SMAD3: variants seen among roughly 807,000 people sequenced by gnomAD.
The protein encoded by SMAD3 is MAD homolog 3.
SMAD3 carries 12 observed loss-of-function variants against 51.8 expected under a neutral mutation model. That is an observed-to-expected ratio of 0.23 (90% CI 0.15 to 0.38). The LOEUF is 0.38. Among genes scored for constraint, SMAD3 ranks in the 10% least tolerant of loss-of-function variants. SMAD3 has a pLI of 1.00. For missense variants in SMAD3, 294 were observed against 565.6 expected, an observed-to-expected ratio of 0.52 and a Z score of 4.87; for synonymous variants, 238 against 227.7, an observed-to-expected ratio of 1.05 and a Z score of -0.41.
At chr15:67,163,536 C>G (rs951105897) in intron 1 of SMAD3, among the ~76,000 whole-genome samples, 1 of 152,224 alleles carries the variant, frequency 6.6e-6, no homozygotes, top group Non-Finnish European at 1.5e-5. Context: ...CCAAGCTCCC[C>G]AGTCCTTTCC....
intron 1 of SMAD3, among the ~76,000 whole-genome samples, chr15:67,137,584 GTTTTA>G (rs1961698289): frequency 6.6e-6 from 1 of 152,108 alleles, no homozygotes; most frequent in African/African-American, 2.4e-5. Flanking sequence ...GTTGCTTTCA[GTTTTA>G]TTTTGTGTTG....
At chr15:67,106,218 C>T (rs1960874613) in intron 1 of SMAD3, among the ~76,000 whole-genome samples, 1 of 152,190 alleles carries the variant, frequency 6.6e-6, no homozygotes, top group African/African-American at 2.4e-5. Flanking sequence ...AAATGTACAT[C>T]TGTCATCTGT....
chr15:67,121,257 C>G (rs1291358860), intron 1 of SMAD3, among the ~76,000 whole-genome samples: 1 of 152,226 alleles, frequency 6.6e-6, no homozygotes, highest in Admixed American at 6.5e-5. Context: ...CCAGTGTTCT[C>G]TTCTCCTCGT....
At chr15:67,086,894 CTTTT>C (rs35917837) in intron 1 of SMAD3, among the ~76,000 whole-genome samples, 1 of 138,444 alleles carries the variant, frequency 7.2e-6, no homozygotes, top group Non-Finnish European at 1.5e-5. Flanking sequence ...ATATCTTCTC[CTTTT>C]TTTTTTTTTT....
chr15:67,181,092 A>T, intron 5 of SMAD3, 149 bp from the exon 6 acceptor site: 1 of 690,956 alleles, frequency 1.4e-6, no homozygotes, highest in Non-Finnish European at 2.6e-6. Flanking sequence ...GGCTCTTGCC[A>T]GTTTTATACG....
intron 1 of SMAD3, among the ~76,000 whole-genome samples, chr15:67,101,512 C>G (rs542309088): frequency 4.3e-4 from 65 of 152,268 alleles, no homozygotes; most frequent in African/African-American, 1.5e-3. Context: ...CTCTTGTATC[C>G]TGTCCTGGTC....
At chr15:67,134,264 G>A (rs34783441) in intron 1 of SMAD3, among the ~76,000 whole-genome samples, 52,752 of 151,886 alleles carry the variant, frequency 0.35, 10,003 homozygotes, top group Non-Finnish European at 0.45. Flanking sequence ...AATGAAATTG[G>A]CCTGGGGTTA....
chr15:67,149,769 G>T (rs896791913), intron 1 of SMAD3, among the ~76,000 whole-genome samples: 1 of 152,114 alleles, frequency 6.6e-6, no homozygotes, highest in African/African-American at 2.4e-5. Context: ...CCCATTCTTT[G>T]TTACCATTTG....
Position 67,191,829 on chromosome 15 carries a change from C to G in SMAD3, c.*1293C>G, listed in dbSNP as rs890460961. 3.9e-5 allele frequency: 9 copies of G among 230,148 alleles called. No homozygotes were observed. In the Admixed American group the frequency reaches 4.5e-4, roughly 12 times the overall value. 14.3% of individuals were successfully genotyped at this position (230,148 alleles called of 1,614,324 possible). On this transcript the variant is annotated 3_prime_UTR_variant, in exon 9 of 9. Transcript: ENST00000327367. ...TCTTCCCCCTGGGATATAAGATGAT[C>G]TAGCTCCCGGTAGAGGATCACCGGT...
At chr15:67,114,028 C>T (rs1461642081) in intron 1 of SMAD3, among the ~76,000 whole-genome samples, 3 of 152,172 alleles carry the variant, frequency 2.0e-5, no homozygotes, top group African/African-American at 7.2e-5. Flanking sequence ...GGGCTGCCCT[C>T]CTGGATGCAT....
At chr15:67,137,932 G>T in intron 1 of SMAD3, 1 of 824,058 alleles carries the variant, frequency 1.2e-6, no homozygotes, top group Admixed American at 2.0e-5. Flanking sequence ...AGAGAAAATA[G>T]GAGGTACTAG....
chr15:67,102,778 G>T (rs1354534137), intron 1 of SMAD3, among the ~76,000 whole-genome samples: 1 of 151,994 alleles, frequency 6.6e-6, no homozygotes, highest in Admixed American at 6.5e-5. Flanking sequence ...CCTTAGCTTG[G>T]TATTTAAAGT....
intron 5 of SMAD3, among the ~76,000 whole-genome samples, chr15:67,181,008 A>AT (rs397960696): frequency 3.4e-4 from 52 of 152,134 alleles, no homozygotes; most frequent in South Asian, 1.5e-3. Flanking sequence ...AAATAAATAA[A>AT]AAGAGAAATC....
intron 4 of SMAD3, 22 bp downstream of exon 4, chr15:67,166,875 T>C (rs1464310174): frequency 1.3e-6 from 2 of 1,559,938 alleles, no homozygotes; most frequent in African/African-American, 1.4e-5. Flanking sequence ...AGGGTCATGC[T>C]CTTATTCTTA....
chr15:67,079,701 T>A (rs904211303), intron 1 of SMAD3, among the ~76,000 whole-genome samples: 2 of 152,180 alleles, frequency 1.3e-5, no homozygotes, highest in Admixed American at 6.5e-5. Flanking sequence ...TATTTATGTT[T>A]ACAGAGGAGG....
chr15:67,077,766 C>T (rs931563774), intron 1 of SMAD3, among the ~76,000 whole-genome samples: 2 of 152,130 alleles, frequency 1.3e-5, no homozygotes, highest in Non-Finnish European at 2.9e-5. Flanking sequence ...ACAGACCAGA[C>T]TGCGGAAGGG....
intron 1 of SMAD3, among the ~76,000 whole-genome samples, chr15:67,107,973 A>T (rs938971092): frequency 6.2e-5 from 4 of 64,998 alleles, no homozygotes; most frequent in Admixed American, 3.0e-4. Context: ...TCTCCCCCCC[A>T]CCCCCCCACC....
chr15:67,147,968 T>C (rs1046218130), intron 1 of SMAD3, among the ~76,000 whole-genome samples: 3 of 152,246 alleles, frequency 2.0e-5, no homozygotes, highest in Non-Finnish European at 2.9e-5. Flanking sequence ...TCTCTCATCC[T>C]TTCTGTTTGT....
chr15:67,067,108 G>C (rs144241635), intron 1 of SMAD3, among the ~76,000 whole-genome samples: 1 of 149,370 alleles, frequency 6.7e-6, no homozygotes, highest in African/African-American at 2.5e-5. Flanking sequence ...TGGTCCAAGA[G>C]ATTTTGAAAC....
Sources: allele counts gnomAD v4.1 joint callset (sites outside exome capture counted in the v4.1 genomes callset), GRCh38; gene constraint gnomAD v4.1.1; transcripts MANE v1.5; gene names NCBI Gene and HGNC (gene_info 2026-07-23, HGNC 2026-07-21).